Variants in RBM46 observed in about 807,000 individuals in gnomAD.
RBM46 encodes the protein probable RNA-binding protein 46.
Under a neutral mutation model 43.3 loss-of-function variants are expected in RBM46, and 12 were observed. That is an observed-to-expected ratio of 0.28 (90% CI 0.18 to 0.45). The LOEUF (loss-of-function observed/expected upper bound fraction) is 0.45. Ranked by LOEUF, RBM46 falls within the 20% of genes least tolerant of loss-of-function variation. RBM46 has a pLI of 1.00. For missense variants in RBM46, 412 were observed against 639.1 expected, an observed-to-expected ratio of 0.64 and a Z score of 3.83; for synonymous variants, 205 against 207.6, an observed-to-expected ratio of 0.99 and a Z score of 0.11.
chr4:154,820,953 T>A (rs1735694428), intron 4 of RBM46, among the ~76,000 whole-genome samples: 2 of 151,838 alleles, frequency 1.3e-5, no homozygotes, highest in African/African-American at 4.8e-5. Flanking sequence ...GGCAAAAGAA[T>A]GATGTTTTCT....
At chr4:154,783,372 T>A (rs999232206) in intron 1 of RBM46, among the ~76,000 whole-genome samples, 4 of 152,216 alleles carry the variant, frequency 2.6e-5, no homozygotes, top group African/African-American at 9.6e-5. Context: ...AAGTCTCAGG[T>A]TTAATGGTGT....
chr4:154,797,794 T>C lies in RBM46; in HGVS notation c.152-17T>C, dbSNP rs1345474349. Reference sequence around the variant, plus strand: ...ATCCAATTAGAATTTATGTGTCTTTTCATTTTTGTCGTTCAGGTTGGGAAG... The same window carrying C: ...ATCCAATTAGAATTTATGTGTCTTTCCATTTTTGTCGTTCAGGTTGGGAAG... On this transcript the variant is annotated splice_polypyrimidine_tract_variant and intron_variant, in intron 2 of 4. Transcript: ENST00000281722. 2 of 1,455,754 alleles carry C rather than the reference T, an allele frequency of 1.4e-6. No individual in the cohort carries two copies. Among genetic ancestry groups the C allele is most frequent in the Admixed American group, 4.6e-5 (2 of 43,234 alleles). 90.2% of individuals were successfully genotyped at this position (1,455,754 alleles called of 1,614,324 possible). A position where few individuals can be genotyped will look rare whatever the true frequency, so the allele number is the denominator to read the frequency against.
At chr4:154,820,308 A>G (rs1446407867) in intron 4 of RBM46, 15 of 1,161,766 alleles carry the variant, frequency 1.3e-5, no homozygotes, top group East Asian at 2.7e-5. Context: ...CACTTCCAAG[A>G]TAGGGATAAC....
At chr4:154,806,118 ATGTATT>A (rs1734894954) in intron 4 of RBM46, among the ~76,000 whole-genome samples, 1 of 151,818 alleles carries the variant, frequency 6.6e-6, no homozygotes, top group African/African-American at 2.4e-5. Flanking sequence ...CCTCATGAAA[ATGTATT>A]TGTATTACTC....
intron 4 of RBM46, among the ~76,000 whole-genome samples, chr4:154,809,723 C>CAA (rs983540916): frequency 6.6e-6 from 1 of 152,110 alleles, no homozygotes; most frequent in Non-Finnish European, 1.5e-5. Context: ...CTAAGTATTA[C>CAA]ATTAGTCTGC....
intron 4 of RBM46, among the ~76,000 whole-genome samples, chr4:154,804,736 A>C (rs28477327): frequency 0.02 from 3,040 of 151,894 alleles, 122 homozygotes; most frequent in African/African-American, 0.07. Flanking sequence ...GGGATGAAGA[A>C]CCTGTCACTA....
At chr4:154,825,264 A>G (rs962412111) in intron 4 of RBM46, among the ~76,000 whole-genome samples, 6 of 152,142 alleles carry the variant, frequency 3.9e-5, no homozygotes, top group Non-Finnish European at 5.9e-5. Context: ...TCTGAAAATT[A>G]GAATTTCTAC....
At chr4:154,803,149 CT>C (rs1283921812) in intron 4 of RBM46, among the ~76,000 whole-genome samples, 2 of 152,108 alleles carry the variant, frequency 1.3e-5, no homozygotes, top group African/African-American at 4.8e-5. Context: ...TTACTAGCAT[CT>C]CAAAAGTTCT....
chr4:154,796,748 C>A lies in RBM46; in HGVS notation c.-5C>A. On this transcript the variant is annotated 5_prime_UTR_variant, in exon 2 of 5. Transcript: ENST00000281722. ...TTATTAAACTTTATTTTAGGAACTG[C>A]AACCATGAATGAAGAAAATATAGAT... is the stretch of plus-strand genomic sequence containing the variant. The A allele has an allele frequency of 6.3e-7, 1 of 1,598,548 alleles. No individual in the cohort carries two copies. The highest frequency in any genetic ancestry group is 8.5e-7 in the Non-Finnish European group (1 of 1,172,972).
At position 154,797,724 on chromosome 4, in the gene RBM46, A is replaced by G; in HGVS notation, c.152-87A>G. The G allele has an allele frequency of 3.3e-6, 3 of 909,754 alleles. No homozygotes were observed. In the Admixed American group the frequency reaches 8.5e-5, roughly 26 times the overall value. 56.4% of individuals were successfully genotyped at this position (909,754 alleles called of 1,614,324 possible). ...TAGAATTGTGAGTGGCACATAGCAC[A>G]GCAAATTTGTTGAATGAATATATGA... On this transcript the variant is annotated intron_variant, in intron 2 of 4. Coordinates refer to ENST00000281722, the MANE Select transcript of RBM46 (RefSeq NM_144979.5).
At chr4:154,819,315 T>C (rs1300304415) in intron 4 of RBM46, among the ~76,000 whole-genome samples, 2 of 152,184 alleles carry the variant, frequency 1.3e-5, no homozygotes, top group African/African-American at 4.8e-5. Context: ...TTCCAGTCAT[T>C]CCTTGTTAGT....
intron 4 of RBM46, among the ~76,000 whole-genome samples, chr4:154,808,985 C>T (rs568143468): frequency 6.6e-6 from 1 of 151,936 alleles, no homozygotes; most frequent in Non-Finnish European, 1.5e-5. Flanking sequence ...AAGGCACTCA[C>T]TTAGTTTCGG....
chr4:154,797,675 G>A, intron 2 of RBM46, 136 bp from the exon 3 acceptor site: 1 of 522,664 alleles, frequency 1.9e-6, no homozygotes, highest in Non-Finnish European at 3.3e-6. Flanking sequence ...GCTTTATTTT[G>A]TCCACTGTTG....
At chr4:154,788,223 G>A (rs1733883340) in intron 1 of RBM46, among the ~76,000 whole-genome samples, 1 of 152,130 alleles carries the variant, frequency 6.6e-6, no homozygotes, top group Admixed American at 6.5e-5. Context: ...GGCTTTTGTT[G>A]CCATTGCTTT....
intron 1 of RBM46, among the ~76,000 whole-genome samples, chr4:154,793,760 T>C (rs1222227719): frequency 1.3e-5 from 2 of 152,216 alleles, no homozygotes; most frequent in African/African-American, 4.8e-5. Context: ...AGCTGGATTC[T>C]CTTGTATTAG....
intron 4 of RBM46, among the ~76,000 whole-genome samples, chr4:154,804,584 CT>C (rs1283624174): frequency 6.6e-6 from 1 of 152,108 alleles, no homozygotes; most frequent in Admixed American, 6.6e-5. Flanking sequence ...GGAAGGTAGT[CT>C]TATCTGTATT....
At position 154,828,305 on chromosome 4, in the gene RBM46, ATTC is replaced by A. The variant is rs1736063252; in HGVS notation, c.*241_*243del. The A allele has an allele frequency of 2.1e-5, 9 of 433,408 alleles. No homozygotes were observed. In the South Asian group the frequency reaches 2.8e-4, roughly 13 times the overall value. 26.8% of individuals were successfully genotyped at this position (433,408 alleles called of 1,614,324 possible). A position where few individuals can be genotyped will look rare whatever the true frequency, so the allele number is the denominator to read the frequency against. ...CTTGATAAAGGTACAGCAAACTACT[ATTC>A]TTTTTAAACTTCTAGGATTTTCTTC... On this transcript the variant is annotated 3_prime_UTR_variant, in exon 5 of 5. Coordinates refer to ENST00000281722, the MANE Select transcript of RBM46 (RefSeq NM_144979.5).
intron 1 of RBM46, among the ~76,000 whole-genome samples, chr4:154,783,620 C>G (rs1197169220): frequency 6.6e-6 from 1 of 152,120 alleles, no homozygotes; most frequent in East Asian, 1.9e-4. Flanking sequence ...TTAATTTGGA[C>G]AAGAATATGT....
In RBM46 at chr4:154,815,023, C is replaced by T. The variant is rs186551793; in HGVS notation, c.1403-12845C>T. On this transcript the variant is annotated intron_variant, in intron 4 of 4. Coordinates refer to ENST00000281722, the MANE Select transcript of RBM46 (RefSeq NM_144979.5). ...TTGTATTTTCCCCAGACATTACTTT[C>T]CTTCCTGCTCAAAGGAGGCCACTCC... is the stretch of plus-strand genomic sequence containing the variant. 3.8e-3 allele frequency among the ~76,000 whole-genome samples: 577 copies of T among 152,056 alleles called. 1 individual carries two copies. The highest frequency in any genetic ancestry group is 6.2e-3 in the Non-Finnish European group (423 of 67,850).
Sources: allele counts gnomAD v4.1 joint callset (sites outside exome capture counted in the v4.1 genomes callset), GRCh38; gene constraint gnomAD v4.1.1; transcripts MANE v1.5; gene names NCBI Gene and HGNC (gene_info 2026-07-23, HGNC 2026-07-21).